CSMD1: variants seen among roughly 807,000 people sequenced by gnomAD.
The protein encoded by CSMD1 is CUB and Sushi multiple domains 1.
A neutral mutation model predicts 417.5 loss-of-function variants in CSMD1; 213 were observed. The ratio of observed to expected loss-of-function variants is 0.51; its 90% CI spans 0.46 to 0.57. The LOEUF (loss-of-function observed/expected upper bound fraction) is 0.57, where lower values mean the gene tolerates loss of function less well. CSMD1 is among the 20% of genes least tolerant of loss of function. The probability of loss-of-function intolerance (pLI) is 0.00; values close to 1 mark genes in which losing one functional copy is unlikely to be tolerated. For synonymous variants in CSMD1, 2,862 were observed against 1,736.8 expected (o/e 1.65, Z -16.11); for missense variants, 6,923 against 4,529.7 (o/e 1.53, Z -15.17).
intron 11 of CSMD1, among the ~76,000 whole-genome samples, chr8:3,481,093 T>C (rs1817717679): frequency 6.8e-6 from 1 of 147,694 alleles, no homozygotes; most frequent in Non-Finnish European, 1.5e-5. Context: ...AAGGCGGAGC[T>C]TGCAGTGAGC....
At chr8:4,274,968 G>C (rs1359090169) in intron 3 of CSMD1, among the ~76,000 whole-genome samples, 1 of 152,126 alleles carries the variant, frequency 6.6e-6, no homozygotes, top group Non-Finnish European at 1.5e-5. Flanking sequence ...CATGCTTGTA[G>C]CTGAGCAGAG....
In CSMD1 at chr8:3,284,172, G is replaced by C; in HGVS notation, c.4125C>G (p.Ser1375Arg). Residue 1375 changes from serine to arginine, a missense_variant, in exon 26 of 70, where the codon AGC becomes AGG. Physicochemically the swap from Ser to Arg is moderately radical, Grantham distance 110. Coordinates refer to ENST00000635120, the MANE Select transcript of CSMD1 (RefSeq NM_033225.6). ...AGAACTGGATGGAGAAGCCAGACTTGCTGATGAAGAAGTCGCTGTCGAACT... is the reference window on the plus strand; with the variant it reads ...AGAACTGGATGGAGAAGCCAGACTTCCTGATGAAGAAGTCGCTGTCGAACT... Reference protein sequence around the residue: ...TLQFDSDFFISKSGFSIQFST... With the variant: ...TLQFDSDFFIRKSGFSIQFST... The C allele has an allele frequency of 6.3e-7, 1 of 1,581,654 alleles. No homozygotes were observed. The highest frequency in any genetic ancestry group is 8.6e-7 in the Non-Finnish European group (1 of 1,164,204).
chr8:3,119,384 T>TAAAAAAAA (rs34060531), intron 41 of CSMD1, among the ~76,000 whole-genome samples: 3 of 88,276 alleles, frequency 3.4e-5, no homozygotes, highest in Non-Finnish European at 7.0e-5. Flanking sequence ...AGTCTTTTTC[T>TAAAAAAAA]AAAAAAAAAA....
At chr8:3,483,213 A>G (rs1237234485) in intron 11 of CSMD1, among the ~76,000 whole-genome samples, 1 of 152,152 alleles carries the variant, frequency 6.6e-6, no homozygotes, top group Non-Finnish European at 1.5e-5. Context: ...TGATGAAGCT[A>G]TAAGAACACT....
At chr8:4,733,051 T>C (rs1810006863) in intron 1 of CSMD1, among the ~76,000 whole-genome samples, 1 of 151,546 alleles carries the variant, frequency 6.6e-6, no homozygotes, top group Non-Finnish European at 1.5e-5. Context: ...AAATGAAAAA[T>C]AACTAGAAAA....
intron 3 of CSMD1, among the ~76,000 whole-genome samples, chr8:4,069,879 GTGTTT>G (rs143102316): frequency 0.077 from 11,721 of 152,050 alleles, 680 homozygotes; most frequent in East Asian, 0.27. Flanking sequence ...CAACAGTAAG[GTGTTT>G]TGTTTTGTTT....
intron 4 of CSMD1, among the ~76,000 whole-genome samples, chr8:4,000,909 A>C (rs893929086): frequency 6.6e-6 from 1 of 152,162 alleles, no homozygotes; most frequent in African/African-American, 2.4e-5. Context: ...GAAAATTATC[A>C]AAGTCCACGT....
rs747988938 is a variant in CSMD1 at position 3,106,570 on chromosome 8, T to A, written c.6907A>T (p.Ser2303Cys). 2.5e-6 allele frequency: 4 copies of A among 1,613,932 alleles called. No individual in the cohort carries two copies. The East Asian group carries it at 8.9e-5, about 36-fold the overall frequency. Reference sequence around the variant, plus strand: ...GAACCCTCAAACTGCAACTGGGAACTGAGCTTGCAAGTCAGAATGTCGGTC... The same window carrying A: ...GAACCCTCAAACTGCAACTGGGAACAGAGCTTGCAAGTCAGAATGTCGGTC... Reference protein sequence around the residue: ...VGTDILTCKLSSQLQFEGSLP... With the variant: ...VGTDILTCKLCSQLQFEGSLP... Residue 2303 changes from serine to cysteine, a missense_variant, in exon 46 of 70, where the codon AGT (serine) becomes TGT (cysteine). Physicochemically the swap from Ser to Cys is moderately radical, Grantham distance 112. Coordinates refer to ENST00000635120, the MANE Select transcript of CSMD1 (RefSeq NM_033225.6).
At chr8:4,253,676 T>C (rs1011566384) in intron 3 of CSMD1, among the ~76,000 whole-genome samples, 2 of 152,020 alleles carry the variant, frequency 1.3e-5, no homozygotes, top group African/African-American at 2.4e-5. Flanking sequence ...GCAACATACA[T>C]TGATTCTGCA....
chr8:4,639,435 G>C (rs937151826), intron 1 of CSMD1, among the ~76,000 whole-genome samples: 1 of 152,102 alleles, frequency 6.6e-6, no homozygotes, highest in Non-Finnish European at 1.5e-5. Context: ...TATCCTGTAA[G>C]GGAATAGGAT....
chr8:4,029,068 G>A (rs1410953271), intron 4 of CSMD1, among the ~76,000 whole-genome samples: 1 of 152,158 alleles, frequency 6.6e-6, no homozygotes, highest in South Asian at 2.1e-4. Flanking sequence ...TGACAGTGTT[G>A]AAAGAGTTCT....
chr8:3,694,203 G>T (rs572386023), intron 7 of CSMD1, among the ~76,000 whole-genome samples: 26 of 152,184 alleles, frequency 1.7e-4, no homozygotes, highest in African/African-American at 5.8e-4. Flanking sequence ...CATAGATGGG[G>T]CAGGGACCTC....
intron 1 of CSMD1, among the ~76,000 whole-genome samples, chr8:4,675,228 T>C (rs567482731): frequency 1.4e-4 from 21 of 152,324 alleles, no homozygotes; most frequent in African/African-American, 3.1e-4. Flanking sequence ...CCAATACTTA[T>C]ACACCATGCA....
intron 3 of CSMD1, among the ~76,000 whole-genome samples, chr8:4,088,343 G>T (rs929347049): frequency 2.6e-5 from 4 of 152,198 alleles, no homozygotes; most frequent in Admixed American, 2.0e-4. Context: ...TACTGGCTTT[G>T]CAGCACAGAA....
chr8:4,593,716 C>G (rs932037241), intron 2 of CSMD1, among the ~76,000 whole-genome samples: 18 of 152,220 alleles, frequency 1.2e-4, no homozygotes, highest in African/African-American at 4.1e-4. Flanking sequence ...TATACCAGAT[C>G]TCTTAATTTT....
intron 1 of CSMD1, among the ~76,000 whole-genome samples, chr8:4,962,249 C>T (rs1294414261): frequency 6.6e-6 from 1 of 151,626 alleles, no homozygotes; most frequent in East Asian, 1.9e-4. Flanking sequence ...CTCACTCTGT[C>T]ACCCAAACTG....
chr8:3,401,653 G>C (rs1455666390), intron 15 of CSMD1, among the ~76,000 whole-genome samples: 1 of 152,158 alleles, frequency 6.6e-6, no homozygotes, highest in Non-Finnish European at 1.5e-5. Context: ...AATGTGGCAT[G>C]TCTAGGTCTG....
At chr8:4,198,801 A>C (rs1799485662) in intron 3 of CSMD1, among the ~76,000 whole-genome samples, 1 of 152,156 alleles carries the variant, frequency 6.6e-6, no homozygotes, top group African/African-American at 2.4e-5. Context: ...TACTAGATTA[A>C]CAGAGGTCAT....
At chr8:3,195,786 G>C (rs1347827425) in intron 33 of CSMD1, among the ~76,000 whole-genome samples, 1 of 152,114 alleles carries the variant, frequency 6.6e-6, no homozygotes, top group Non-Finnish European at 1.5e-5. Flanking sequence ...AATGTACAAG[G>C]CTGAACATAT....
Sources: allele counts gnomAD v4.1 joint callset (sites outside exome capture counted in the v4.1 genomes callset), GRCh38; gene constraint gnomAD v4.1.1; transcripts MANE v1.5; gene names NCBI Gene and HGNC (gene_info 2026-07-23, HGNC 2026-07-21).